The following DSG1 variants were observed in gnomAD, a reference collection of about 807,000 sequenced individuals.
DSG1 encodes the protein desmoglein 1, also known as desmoglein-1.
Under a neutral mutation model 97.5 loss-of-function variants are expected in DSG1, and 39 were observed. The ratio of observed to expected loss-of-function variants is 0.40; its 90% CI spans 0.31 to 0.52. The LOEUF is 0.52. Ranked by LOEUF, DSG1 falls within the 20% of genes least tolerant of loss-of-function variation. The pLI is 0.53. For missense variants in DSG1, 1,311 were observed against 1,295.4 expected (o/e 1.01, Z -0.18); for synonymous variants, 475 against 443.4 (o/e 1.07, Z -0.90).
chr18:31,328,365 T>A (rs1011983162), intron 4 of DSG1, 21 bp downstream of exon 4: 1 of 1,605,024 alleles, frequency 6.2e-7, no homozygotes, highest in Non-Finnish European at 8.5e-7. Flanking sequence ...TTCATGTCAA[T>A]ATATATGTTC....
chr18:31,354,261 T>G (rs368475528), intron 14 of DSG1, 36 bp from the exon 15 acceptor site: 11 of 1,573,802 alleles, frequency 7.0e-6, no homozygotes, highest in Middle Eastern at 1.7e-4. Context: ...AAATATGCAT[T>G]CATAATTTCA....
rs1311830982 is a variant in DSG1 at position 31,339,783 on chromosome 18, A to T, written c.1445A>T (p.Asn482Ile). 1 of 1,612,846 alleles carries T rather than the reference A, an allele frequency of 6.2e-7. No homozygotes were observed. Among genetic ancestry groups the T allele is most frequent in the Non-Finnish European group, 8.5e-7 (1 of 1,178,896 alleles). Residue 482 changes from asparagine to isoleucine, a missense_variant, in exon 11 of 15, where the codon AAC becomes ATC. Around this residue, in one of 3 missense-constraint regions of DSG1, gnomAD observed 1,038 missense variants for 964.6 expected, o/e 1.08. Coordinates refer to ENST00000257192, the MANE Select transcript of DSG1 (RefSeq NM_001942.4). ...ACTTGCACTGGTACAATTAATATTA[A>T]CATTCAAAGTTTTGGTAATGACGAC... ...QRTCTGTINI[N>I]IQSFGNDDRT...
rs1462982785 is a variant in DSG1 at position 31,355,289 on chromosome 18, C to T, written c.3093C>T (p.Ser1031=). The part of the protein sequence containing the change: ...HHFNQTIGSA[S]PSTARSRITK... ...TTAACCAAACCATTGGGTCCGCCTC[C>T]CCTAGCACAGCTCGAAGTCGAATCA... is the stretch of plus-strand genomic sequence containing the variant. Residue 1031 remains serine, a synonymous_variant, in exon 15 of 15, where the codon TCC becomes TCT. Coordinates refer to ENST00000257192, the MANE Select transcript of DSG1 (RefSeq NM_001942.4). 6.2e-7 allele frequency: 1 copy of T among 1,614,124 alleles called. No homozygotes were observed. The highest frequency in any genetic ancestry group is 1.6e-4 in the Middle Eastern group (1 of 6,062).
intron 1 of DSG1, among the ~76,000 whole-genome samples, chr18:31,325,881 A>G (rs1413249110): frequency 6.6e-6 from 1 of 152,156 alleles, no homozygotes; most frequent in African/African-American, 2.4e-5. Context: ...TCATCTGTAA[A>G]ATGGAGATAG....
At chr18:31,340,468 C>T (rs1289883280) in intron 11 of DSG1, among the ~76,000 whole-genome samples, 1 of 150,488 alleles carries the variant, frequency 6.6e-6, no homozygotes, top group African/African-American at 2.4e-5. Context: ...ATGATCCGGG[C>T]ATGGTGGTAG....
At chr18:31,319,425 C>T (rs916409659) in intron 1 of DSG1, among the ~76,000 whole-genome samples, 6 of 152,068 alleles carry the variant, frequency 3.9e-5, no homozygotes, top group African/African-American at 9.7e-5. Flanking sequence ...TTAACTAAGG[C>T]GGGACATAAT....
rs143104952 is a variant in DSG1, at chr18:31,345,813, A to T, written c.1892-177A>T. 4.4e-4 allele frequency among the ~76,000 whole-genome samples: 67 copies of T among 152,276 alleles called. 1 individual carries two copies. Among genetic ancestry groups the T allele is most frequent in the African/African-American group, 1.5e-3 (62 of 41,564 alleles). On this transcript the variant is annotated intron_variant, in intron 13 of 14. Transcript: ENST00000257192. ...ATAATTATCAAATTAACAAATTAAT[A>T]ATATTATTTTGAGTTCAATATTGTA... is the stretch of plus-strand genomic sequence containing the variant.
intron 1 of DSG1, among the ~76,000 whole-genome samples, chr18:31,324,020 G>A (rs1474234568): frequency 1.0e-5 from 1 of 97,522 alleles, no homozygotes; most frequent in African/African-American, 4.0e-5. Flanking sequence ...ACAAAGTCTT[G>A]CTCTGTCCCC....
intron 14 of DSG1, among the ~76,000 whole-genome samples, chr18:31,349,400 G>A (rs1306231709): frequency 1.3e-5 from 2 of 150,844 alleles, no homozygotes. Context: ...CAGGTAGTGT[G>A]ATGCCTCCAG....
At chr18:31,346,797 C>T (rs1386058328) in intron 14 of DSG1, among the ~76,000 whole-genome samples, 1 of 152,128 alleles carries the variant, frequency 6.6e-6, no homozygotes. Flanking sequence ...ATATGTCTAC[C>T]ACCACTTTTA....
intron 1 of DSG1, among the ~76,000 whole-genome samples, chr18:31,326,151 G>A (rs978799478): frequency 6.6e-6 from 1 of 151,798 alleles, no homozygotes; most frequent in African/African-American, 2.4e-5. Context: ...GAGACATTAA[G>A]TTCATATTTT....
chr18:31,324,831 T>C (rs1453828096), intron 1 of DSG1, among the ~76,000 whole-genome samples: 1 of 152,194 alleles, frequency 6.6e-6, no homozygotes, highest in African/African-American at 2.4e-5. Context: ...TCCTACCAAC[T>C]GTTGTCAGAG....
At chr18:31,325,920 T>C (rs1353794868) in intron 1 of DSG1, among the ~76,000 whole-genome samples, 1 of 152,134 alleles carries the variant, frequency 6.6e-6, no homozygotes, top group Non-Finnish European at 1.5e-5. Context: ...GTATTTGTTG[T>C]AAAGATTAAG....
At chr18:31,352,857 T>A (rs12957469) in intron 14 of DSG1, among the ~76,000 whole-genome samples, 83,713 of 110,064 alleles carry the variant, frequency 0.76, 32,828 homozygotes, top group East Asian at 0.98. Context: ...TGGTTATTCT[T>A]GTTATACATT....
chr18:31,318,181 T>A lies in DSG1; in HGVS notation c.-120T>A, dbSNP rs185367989. The A allele has an allele frequency of 1.1e-6, 1 of 901,192 alleles. No homozygotes were observed. Among genetic ancestry groups the A allele is most frequent in the Non-Finnish European group, 1.9e-6 (1 of 536,204 alleles). 55.8% of individuals were successfully genotyped at this position (901,192 alleles called of 1,614,324 possible). A position where few individuals can be genotyped will look rare whatever the true frequency, so the allele number is the denominator to read the frequency against. ...AGGCAGAAACACCTCAAAGCCTGCATGTAAGAACATCTACTGAGAAATTAT... is the reference window on the plus strand; with the variant it reads ...AGGCAGAAACACCTCAAAGCCTGCAAGTAAGAACATCTACTGAGAAATTAT... On this transcript the variant is annotated 5_prime_UTR_variant, in exon 1 of 15. It removes an upstream start codon present in the reference 5' UTR. Coordinates refer to ENST00000257192, the MANE Select transcript of DSG1 (RefSeq NM_001942.4).
Position 31,326,880 on chromosome 18 carries a change from G to C in DSG1, c.91G>C (p.Asp31His), listed in dbSNP as rs765346933. ...TTTATTGCTGTCATTTAAGGTAAGA[G>C]ATTATAACACTAAAAATGGCACCAT... Reference protein sequence around the residue: ...VNSEFRIQVRDYNTKNGTIKW... With the variant: ...VNSEFRIQVRHYNTKNGTIKW... The change falls in exon 3 of 15, where the codon GAT becomes CAT. Residue 31 changes from aspartate to histidine, a missense_variant. Physicochemically the swap from Asp to His is moderately conservative, Grantham distance 81 (BLOSUM62 -1). This residue lies in a region of DSG1 where 259 missense variants were observed against 304.1 expected (regional missense o/e 0.85). Transcript: ENST00000257192. 1 of 1,613,572 alleles carries C rather than the reference G, an allele frequency of 6.2e-7. No individual in the cohort carries two copies. Among genetic ancestry groups the C allele is most frequent in the South Asian group, 1.1e-5 (1 of 91,066 alleles).
At chr18:31,335,785 T>G (rs1350010054) in intron 8 of DSG1, among the ~76,000 whole-genome samples, 1 of 151,174 alleles carries the variant, frequency 6.6e-6, no homozygotes, top group Non-Finnish European at 1.5e-5. Context: ...AATCACTACT[T>G]TATTATTTTA....
chr18:31,335,816 A>G (rs1319920055), intron 8 of DSG1, among the ~76,000 whole-genome samples: 2 of 150,764 alleles, frequency 1.3e-5, no homozygotes, highest in East Asian at 3.9e-4. Flanking sequence ...ATTTCCTAGA[A>G]CATGTTGAAG....
intron 2 of DSG1, 110 bp downstream of exon 2, chr18:31,326,726 G>A: frequency 7.6e-7 from 1 of 1,315,436 alleles, no homozygotes. Context: ...TTCATATAAT[G>A]CTAAAATTAA....
Sources: allele counts gnomAD v4.1 joint callset (sites outside exome capture counted in the v4.1 genomes callset), GRCh38; gene constraint gnomAD v4.1.1; regional missense constraint gnomAD v4.1.1; transcripts MANE v1.5; gene names NCBI Gene and HGNC (gene_info 2026-07-23, HGNC 2026-07-21).